The following DMRT1 variants were observed in gnomAD, a reference collection of about 807,000 sequenced individuals.
DMRT1 encodes the protein doublesex- and mab-3-related transcription factor 1.
In DMRT1, 7 loss-of-function variants were observed where a neutral mutation model predicts 32.3. The observed-to-expected ratio is 0.22, with a 90% CI of 0.12 to 0.41. DMRT1 has a LOEUF of 0.41. Ranked by LOEUF, DMRT1 falls within the 10% of genes least tolerant of loss-of-function variation. The probability of loss-of-function intolerance (pLI) is 1.00; values close to 1 mark genes in which losing one functional copy is unlikely to be tolerated. For synonymous variants in DMRT1, 278 were observed against 206.1 expected, an observed-to-expected ratio of 1.35 and a Z score of -2.99; for missense variants, 625 against 500.5, an observed-to-expected ratio of 1.25 and a Z score of -2.37.
chr9:912,071 C>G (rs1202239334), intron 3 of DMRT1, among the ~76,000 whole-genome samples: 1 of 152,220 alleles, frequency 6.6e-6, no homozygotes, highest in Non-Finnish European at 1.5e-5. Context: ...CGTCAGGAAA[C>G]TTGCAGTCAT....
intron 4 of DMRT1, among the ~76,000 whole-genome samples, chr9:932,877 G>A (rs1369941179): frequency 6.6e-6 from 1 of 152,008 alleles, no homozygotes; most frequent in African/African-American, 2.4e-5. Flanking sequence ...AGATGTGCAT[G>A]GGGCGCGGTA....
chr9:937,211 G>A (rs981600064), intron 4 of DMRT1, among the ~76,000 whole-genome samples: 1 of 152,160 alleles, frequency 6.6e-6, no homozygotes, highest in Non-Finnish European at 1.5e-5. Flanking sequence ...ATATTGCATT[G>A]CCTGTGTGCG....
intron 4 of DMRT1, among the ~76,000 whole-genome samples, chr9:955,068 C>T (rs571177407): frequency 6.6e-6 from 1 of 152,288 alleles, no homozygotes; most frequent in East Asian, 1.9e-4. Context: ...CCCAGTTCAG[C>T]AGTTGGAGAA....
intron 2 of DMRT1, among the ~76,000 whole-genome samples, chr9:874,903 G>A (rs1589484601): frequency 6.8e-6 from 1 of 147,872 alleles, no homozygotes; most frequent in Admixed American, 6.9e-5. Context: ...CACCTCCCGG[G>A]TTCATGCCAT....
chr9:843,265 T>C (rs937055745), intron 1 of DMRT1, among the ~76,000 whole-genome samples: 1 of 152,186 alleles, frequency 6.6e-6, no homozygotes, highest in Non-Finnish European at 1.5e-5. Flanking sequence ...GCCTTGTTTG[T>C]TTTTCTGGAA....
intron 2 of DMRT1, among the ~76,000 whole-genome samples, chr9:867,471 C>T (rs1162293963): frequency 1.3e-5 from 2 of 152,248 alleles, no homozygotes; most frequent in Admixed American, 6.5e-5. Flanking sequence ...ACCCGAGTAG[C>T]TCTCATTTAC....
chr9:924,917 A>G (rs926240553), intron 4 of DMRT1, among the ~76,000 whole-genome samples: 24 of 152,266 alleles, frequency 1.6e-4, no homozygotes, highest in African/African-American at 5.5e-4. Context: ...TCTACATACA[A>G]AGAGCACCCC....
chr9:891,056 A>G (rs1159701859), intron 2 of DMRT1, among the ~76,000 whole-genome samples: 2 of 152,050 alleles, frequency 1.3e-5, no homozygotes, highest in East Asian at 3.9e-4. Flanking sequence ...AAAGTGAAAC[A>G]AGGCCAGGTG....
intron 4 of DMRT1, among the ~76,000 whole-genome samples, chr9:939,814 T>C (rs1250903500): frequency 6.6e-6 from 1 of 152,252 alleles, no homozygotes; most frequent in African/African-American, 2.4e-5. Flanking sequence ...CTCCCTCCTC[T>C]GTATGTTGTA....
intron 2 of DMRT1, among the ~76,000 whole-genome samples, chr9:887,094 G>A (rs1320912494): frequency 6.6e-6 from 1 of 152,206 alleles, no homozygotes; most frequent in East Asian, 1.9e-4. Flanking sequence ...CAGAGGCTGA[G>A]GCAGGAGAAT....
chr9:877,476 G>GA (rs910801328), intron 2 of DMRT1, among the ~76,000 whole-genome samples: 11 of 152,110 alleles, frequency 7.2e-5, no homozygotes, highest in African/African-American at 2.7e-4. Flanking sequence ...TATTTATGTT[G>GA]AAAAGCAAGC....
intron 2 of DMRT1, among the ~76,000 whole-genome samples, chr9:849,830 T>TCTCTC (rs144028617): frequency 1.3e-4 from 19 of 143,270 alleles, no homozygotes; most frequent in East Asian, 4.3e-4. Flanking sequence ...TCTCTCTCTC[T>TCTCTC]TTTTTTTTTT....
At chr9:871,562 CGAT>C (rs1331564077) in intron 2 of DMRT1, among the ~76,000 whole-genome samples, 36 of 136,976 alleles carry the variant, frequency 2.6e-4, no homozygotes, top group South Asian at 4.5e-4. Context: ...AGGATGGTCT[CGAT>C]CTCCTGACCT....
intron 2 of DMRT1, among the ~76,000 whole-genome samples, chr9:870,837 G>A (rs568443833): frequency 6.4e-4 from 96 of 150,078 alleles, no homozygotes; most frequent in Non-Finnish European, 1.2e-3. Context: ...TCAGCCTCCC[G>A]AGTAGCTGGA....
At chr9:939,691 A>C (rs940921183) in intron 4 of DMRT1, among the ~76,000 whole-genome samples, 2 of 152,188 alleles carry the variant, frequency 1.3e-5, no homozygotes, top group Non-Finnish European at 2.9e-5. Context: ...ACCAAAAGCA[A>C]TACAAGCTCA....
At chr9:880,487 G>C (rs1816687806) in intron 2 of DMRT1, among the ~76,000 whole-genome samples, 1 of 151,902 alleles carries the variant, frequency 6.6e-6, no homozygotes, top group Non-Finnish European at 1.5e-5. Context: ...AGCACTTTGG[G>C]AGGCTGAGGT....
intron 4 of DMRT1, among the ~76,000 whole-genome samples, chr9:922,216 A>G (rs73380407): frequency 0.12 from 18,570 of 151,896 alleles, 1,546 homozygotes; most frequent in African/African-American, 0.23. Flanking sequence ...ATTCATTTTT[A>G]TTGTATTTTG....
At chr9:939,762 A>G (rs1436657414) in intron 4 of DMRT1, among the ~76,000 whole-genome samples, 2 of 152,196 alleles carry the variant, frequency 1.3e-5, no homozygotes, top group African/African-American at 4.8e-5. Flanking sequence ...TTTGTAGTGA[A>G]GTTTTATAGT....
intron 3 of DMRT1, among the ~76,000 whole-genome samples, chr9:907,849 G>A (rs1564242521): frequency 6.6e-6 from 1 of 151,708 alleles, no homozygotes; most frequent in African/African-American, 2.4e-5. Flanking sequence ...GTGTGTGTGT[G>A]TGTGTGTGTT....
Sources: allele counts gnomAD v4.1 joint callset (sites outside exome capture counted in the v4.1 genomes callset), GRCh38; gene constraint gnomAD v4.1.1; transcripts MANE v1.5; gene names NCBI Gene and HGNC (gene_info 2026-07-23, HGNC 2026-07-21).